ADH6: variants seen among roughly 807,000 people sequenced by gnomAD.
The protein encoded by ADH6 is alcohol dehydrogenase 6.
ADH6 carries 34 observed loss-of-function variants against 36.5 expected under a neutral mutation model. The observed-to-expected ratio is 0.93, with a 90% CI of 0.71 to 1.24. ADH6 has a LOEUF of 1.24. ADH6 is among the 50% of genes most tolerant of loss of function. The pLI is 0.00. For synonymous variants in ADH6, 161 were observed against 155.5 expected, an observed-to-expected ratio of 1.04 and a Z score of -0.26; for missense variants, 440 against 447.0, an observed-to-expected ratio of 0.98 and a Z score of 0.14.
intron 5 of ADH6, among the ~76,000 whole-genome samples, chr4:99,209,141 C>T (rs1324636519): frequency 6.6e-6 from 1 of 152,042 alleles, no homozygotes; most frequent in Non-Finnish European, 1.5e-5. Context: ...CAAAAAACTG[C>T]CTGAAAGTAG....
At chr4:99,215,739 G>C (rs1279052521) in intron 2 of ADH6, 1 of 152,446 alleles carries the variant, frequency 6.6e-6, no homozygotes, top group Non-Finnish European at 1.5e-5. Flanking sequence ...AAAATATCAG[G>C]TATCCCTAAG....
intron 8 of ADH6, 143 bp downstream of exon 8, chr4:99,204,782 A>T (rs1220260653): frequency 5.3e-6 from 7 of 1,332,500 alleles, no homozygotes; most frequent in Non-Finnish European, 5.8e-6. Flanking sequence ...GGGGAAGGAG[A>T]TGCTTTACAA....
At chr4:99,207,348 T>C in intron 7 of ADH6, 98 bp downstream of exon 7, 1 of 1,492,584 alleles carries the variant, frequency 6.7e-7, no homozygotes, top group Non-Finnish European at 9.1e-7. Context: ...AATATAAAGC[T>C]GTTGTTTTAT....
intron 8 of ADH6, 61 bp from the exon 9 acceptor site, chr4:99,204,304 G>T: frequency 6.3e-7 from 1 of 1,582,730 alleles, no homozygotes; most frequent in Non-Finnish European, 8.5e-7. Context: ...TTGTGTTTTG[G>T]ATTTCAAATT....
At chr4:99,215,137 C>T (rs1373200208) in intron 2 of ADH6, among the ~76,000 whole-genome samples, 1 of 152,138 alleles carries the variant, frequency 6.6e-6, no homozygotes, top group Admixed American at 6.5e-5. Flanking sequence ...AGGGTCCAAA[C>T]CTGGTTGCAT....
rs753297223 is a variant in ADH6 at position 99,219,169 on chromosome 4, G to A, written c.-17C>T. 4.4e-5 allele frequency: 70 copies of A among 1,608,562 alleles called. No homozygotes were observed. The Middle Eastern group carries it at 4.9e-4, about 11-fold the overall frequency. On this transcript the variant is annotated 5_prime_UTR_variant, in exon 1 of 9. Transcript: ENST00000394899. Reference sequence around the variant, plus strand: ...AGTACTCATGCTGATTTTCTCCACCGCAGATGAATTTATTGAGAAAGGGAG... The same window carrying A: ...AGTACTCATGCTGATTTTCTCCACCACAGATGAATTTATTGAGAAAGGGAG...
At chr4:99,214,296 G>A (rs1250556488) in intron 2 of ADH6, among the ~76,000 whole-genome samples, 2 of 152,104 alleles carry the variant, frequency 1.3e-5, no homozygotes, top group Admixed American at 1.3e-4. Context: ...GGAGGCTGAA[G>A]TGGGAGGATC....
At chr4:99,212,114 A>G (rs1731244987) in intron 3 of ADH6, among the ~76,000 whole-genome samples, 2 of 152,180 alleles carry the variant, frequency 1.3e-5, no homozygotes, top group Admixed American at 6.6e-5. Context: ...GCAATAGAAA[A>G]TGAGTACATG....
At position 99,202,892 on chromosome 4, in the gene ADH6, A is replaced by T; in HGVS notation, c.*1327T>A. ...GAAGAGCCATCCCAAGTCCAGAGTG[A>T]ATAGGTTTCATAGCACCCATCTCCT... On this transcript the variant is annotated 3_prime_UTR_variant, in exon 9 of 9. Coordinates refer to ENST00000394899, the MANE Select transcript of ADH6 (RefSeq NM_001102470.2). 2.5e-6 allele frequency: 1 copy of T among 396,878 alleles called. No homozygotes were observed. The highest frequency in any genetic ancestry group is 4.4e-6 in the Non-Finnish European group (1 of 224,840). The allele number at this position is 396,878 out of a possible 1,614,324, so 24.6% of individuals were successfully genotyped here.
intron 1 of ADH6, among the ~76,000 whole-genome samples, chr4:99,218,908 A>C (rs1197583756): frequency 1.3e-5 from 2 of 152,160 alleles, no homozygotes; most frequent in Admixed American, 6.6e-5. Context: ...TTGACTCTGG[A>C]AATTCTGATA....
intron 1 of ADH6, 89 bp from the exon 2 acceptor site, chr4:99,216,351 A>G: frequency 1.4e-6 from 1 of 724,288 alleles, no homozygotes; most frequent in Non-Finnish European, 2.1e-6. Flanking sequence ...GAATCATTAA[A>G]TTGGATTAGT....
chr4:99,216,631 G>A (rs987443650), intron 1 of ADH6, among the ~76,000 whole-genome samples: 1 of 152,072 alleles, frequency 6.6e-6, no homozygotes, highest in Non-Finnish European at 1.5e-5. Context: ...CGGATCACAA[G>A]GTCGGGAGTT....
chr4:99,210,050 T>C, intron 5 of ADH6, 32 bp downstream of exon 5: 1 of 1,602,174 alleles, frequency 6.2e-7, no homozygotes, highest in South Asian at 1.1e-5. Context: ...ATCCCAATAA[T>C]TCCCTTCCAA....
chr4:99,207,411 T>C, intron 7 of ADH6, 35 bp downstream of exon 7: 1 of 1,611,988 alleles, frequency 6.2e-7, no homozygotes, highest in Non-Finnish European at 8.5e-7. Flanking sequence ...CTTCACCTCC[T>C]CAGGCATTTC....
At position 99,208,776 on chromosome 4, in the gene ADH6, C is replaced by A. The variant is rs1250809366; in HGVS notation, c.720G>T (p.Glu240Asp). The A allele has an allele frequency of 6.2e-7, 1 of 1,613,846 alleles. No homozygotes were observed. The highest frequency in any genetic ancestry group is 1.7e-5 in the Admixed American group (1 of 59,996). The change falls in exon 6 of 9, where the codon GAG becomes GAT. Residue 240 changes from glutamate to aspartate, a missense_variant. Transcript: ENST00000394899. Reference protein sequence around the residue: ...FKKAQELGATECLNPQDLKKP... With the variant: ...FKKAQELGATDCLNPQDLKKP... ...TCTTTAAGTCCTGAGGGTTGAGGCA[C>A]TCAGTAGCACCCAATTCCTGTGCCT...
chr4:99,207,494 C>T lies in ADH6; in HGVS notation c.916G>A (p.Gly306Ser), dbSNP rs1170881134. ...GAACGTCCTGAGAAGAACAACTGGCCACTGATTTTGAGTTGAACACTGGCA... is the reference window on the plus strand; with the variant it reads ...GAACGTCCTGAGAAGAACAACTGGCTACTGATTTTGAGTTGAACACTGGCA... Reference protein sequence around the residue: ...LPASVQLKISGQLFFSGRSLK... With the variant: ...LPASVQLKISSQLFFSGRSLK... Residue 306 changes from glycine to serine, a missense_variant, in exon 7 of 9, where the codon GGC (glycine) becomes AGC (serine). Transcript: ENST00000394899. The T allele has an allele frequency of 7.4e-6, 12 of 1,613,484 alleles. No individual in the cohort carries two copies. The highest frequency in any genetic ancestry group is 6.6e-5 in the South Asian group (6 of 91,062).
At chr4:99,208,951 C>A (rs759153861) in intron 5 of ADH6, 23 bp from the exon 6 acceptor site, 6 of 1,591,350 alleles carry the variant, frequency 3.8e-6, no homozygotes, top group Admixed American at 3.6e-5. Flanking sequence ...AGGCAGAAAA[C>A]TCAGAAAACA....
rs1054185542 is a variant in ADH6, at chr4:99,210,457, G to C, written c.308C>G (p.Thr103Ser). Residue 103 changes from threonine (T) to serine (S), a missense_variant, in exon 4 of 9, where the codon ACC becomes AGC. Coordinates refer to ENST00000394899, the MANE Select transcript of ADH6 (RefSeq NM_001102470.2). ...ATTGCCCTCAGAATTCAGGCAAGAG[G>C]TACATTCTCCACACTGTGGCAGAAA... ...TLFLPQCGEC[T>S]SCLNSEGNFC... 1 of 1,612,264 alleles carries C rather than the reference G, an allele frequency of 6.2e-7. No homozygotes were observed.
In ADH6 at chr4:99,202,969, A is replaced by G. The variant is rs1464112395; in HGVS notation, c.*1250T>C. On this transcript the variant is annotated 3_prime_UTR_variant, in exon 9 of 9. Transcript: ENST00000394899. ...GGGAAACACAGGATGCCCAACTCAT[A>G]AGAATCAGACTGTTATGAGAGTCCT... 1 of 394,796 alleles carries G rather than the reference A, an allele frequency of 2.5e-6. No individual in the cohort carries two copies. The highest frequency in any genetic ancestry group is 4.5e-6 in the Non-Finnish European group (1 of 223,936). The allele number at this position is 394,796 out of a possible 1,614,324, so 24.5% of individuals were successfully genotyped here.
Sources: allele counts gnomAD v4.1 joint callset (sites outside exome capture counted in the v4.1 genomes callset), GRCh38; gene constraint gnomAD v4.1.1; transcripts MANE v1.5; gene names NCBI Gene and HGNC (gene_info 2026-07-23, HGNC 2026-07-21).